GSG1L: variants seen among roughly 807,000 people sequenced by gnomAD.
GSG1L encodes the protein germ cell-specific gene 1-like protein.
A neutral mutation model predicts 42.1 loss-of-function variants in GSG1L; 24 were observed. The observed-to-expected ratio is 0.57, with a 90% confidence interval of 0.41 to 0.80. The LOEUF (loss-of-function observed/expected upper bound fraction) is 0.80. Among genes scored for constraint, GSG1L ranks in the 30% least tolerant of loss-of-function variants. The pLI, the probability that GSG1L is intolerant of heterozygous loss-of-function variation, is 0.00. For missense variants in GSG1L, 445 were observed against 472.2 expected, an observed-to-expected ratio of 0.94 and a Z score of 0.53; for synonymous variants, 215 against 203.5, an observed-to-expected ratio of 1.06 and a Z score of -0.48.
At chr16:27,870,381 TTC>T (rs769634213) in intron 3 of GSG1L, among the ~76,000 whole-genome samples, 3 of 122,520 alleles carry the variant, frequency 2.4e-5, no homozygotes, top group Admixed American at 7.6e-5. Flanking sequence ...CACTCTCTCT[TTC>T]TCTCTCTCTG....
At chr16:27,842,177 C>T (rs952469486) in intron 4 of GSG1L, among the ~76,000 whole-genome samples, 5 of 150,056 alleles carry the variant, frequency 3.3e-5, no homozygotes, top group East Asian at 2.0e-4. Context: ...CACGATGTCG[C>T]GCGTGCCGAA....
At chr16:28,026,019 T>C (rs1161406742) in intron 1 of GSG1L, among the ~76,000 whole-genome samples, 1 of 152,232 alleles carries the variant, frequency 6.6e-6, no homozygotes, top group African/African-American at 2.4e-5. Context: ...CCCAGGGTCA[T>C]TTTTAAAGAA....
chr16:27,895,856 C>G (rs756010986), intron 2 of GSG1L, among the ~76,000 whole-genome samples: 1 of 152,216 alleles, frequency 6.6e-6, no homozygotes, highest in African/African-American at 2.4e-5. Flanking sequence ...GGTAGGGCAA[C>G]AGAGCACGTG....
chr16:27,987,003 G>C (rs968618272), intron 1 of GSG1L, among the ~76,000 whole-genome samples: 1 of 152,182 alleles, frequency 6.6e-6, no homozygotes, highest in African/African-American at 2.4e-5. Context: ...GATCACCTGA[G>C]GTCAGGAGTT....
chr16:28,060,671 G>A (rs7201525), intron 1 of GSG1L, among the ~76,000 whole-genome samples: 70,762 of 151,740 alleles, frequency 0.47, 16,751 homozygotes, highest in East Asian at 0.69. Flanking sequence ...TCCCGAGAAG[G>A]TAATTCCAGC....
chr16:27,863,730 G>A (rs541218277), intron 3 of GSG1L, among the ~76,000 whole-genome samples: 2 of 152,316 alleles, frequency 1.3e-5, no homozygotes, highest in East Asian at 3.9e-4. Context: ...GAGAGCCCAA[G>A]TTCCTTATAC....
intron 2 of GSG1L, among the ~76,000 whole-genome samples, chr16:27,947,584 A>AG (rs1491238503): frequency 1.5e-5 from 2 of 129,646 alleles, no homozygotes; most frequent in Admixed American, 7.2e-5. Flanking sequence ...AAAGAAAGAA[A>AG]GAAAGAAAGA....
chr16:27,931,834 G>T (rs985744255), intron 2 of GSG1L, among the ~76,000 whole-genome samples: 1 of 152,164 alleles, frequency 6.6e-6, no homozygotes, highest in African/African-American at 2.4e-5. Context: ...CAGGAGGAGC[G>T]CAGTGTGGAG....
chr16:27,990,954 T>C (rs1262936798), intron 1 of GSG1L, among the ~76,000 whole-genome samples: 1 of 152,238 alleles, frequency 6.6e-6, no homozygotes, highest in African/African-American at 2.4e-5. Flanking sequence ...ATTCCTTATG[T>C]AAGTTCCAGC....
At chr16:27,844,637 C>G (rs1345470984) in intron 4 of GSG1L, among the ~76,000 whole-genome samples, 1 of 152,178 alleles carries the variant, frequency 6.6e-6, no homozygotes, top group East Asian at 1.9e-4. Flanking sequence ...ATTTGAATTT[C>G]ATGTAATTTT....
At chr16:27,993,670 A>G (rs561449404) in intron 1 of GSG1L, among the ~76,000 whole-genome samples, 16 of 152,296 alleles carry the variant, frequency 1.1e-4, no homozygotes, top group African/African-American at 2.9e-4. Flanking sequence ...GCAGGCAGTT[A>G]GGGTGGGTCC....
Position 27,950,246 on chromosome 16 carries a change from C to T in GSG1L, c.397+12910G>A, listed in dbSNP as rs569397816. On this transcript the variant is annotated intron_variant, in intron 2 of 6. Transcript: ENST00000447459. ...TTTACCCTTAACAGAGTCTATTTGC[C>T]ATGGAGAAACTGTTTCCAATTACAA... 5.9e-5 allele frequency among the ~76,000 whole-genome samples: 9 copies of T among 152,248 alleles called. No individual in the cohort carries two copies. In the South Asian group the frequency reaches 1.9e-3, roughly 32 times the overall value.
At chr16:27,831,130 G>A (rs2083270949) in intron 4 of GSG1L, among the ~76,000 whole-genome samples, 1 of 152,170 alleles carries the variant, frequency 6.6e-6, no homozygotes. Context: ...TGAAGCTACT[G>A]GGAAACAAAG....
At chr16:27,826,475 C>A (rs913423409) in intron 5 of GSG1L, among the ~76,000 whole-genome samples, 3 of 152,148 alleles carry the variant, frequency 2.0e-5, no homozygotes, top group African/African-American at 7.2e-5. Context: ...TCCTTCAGCT[C>A]CCCCAGAAGT....
chr16:27,995,924 G>T (rs2085510347), intron 1 of GSG1L, among the ~76,000 whole-genome samples: 1 of 147,824 alleles, frequency 6.8e-6, no homozygotes, highest in Non-Finnish European at 1.5e-5. Context: ...ACACAGCCAG[G>T]CACAGTGGCT....
intron 5 of GSG1L, among the ~76,000 whole-genome samples, chr16:27,817,736 G>C (rs1335977768): frequency 1.3e-5 from 2 of 152,200 alleles, no homozygotes; most frequent in Admixed American, 1.3e-4. Context: ...GCATAGAAAA[G>C]GCAAGCATGA....
intron 1 of GSG1L, among the ~76,000 whole-genome samples, chr16:28,014,080 A>T (rs1393650832): frequency 6.6e-6 from 1 of 152,224 alleles, no homozygotes; most frequent in Non-Finnish European, 1.5e-5. Context: ...ATATTGCAGG[A>T]TCTCTTTGTT....
intron 2 of GSG1L, among the ~76,000 whole-genome samples, chr16:27,899,780 T>C (rs751577889): frequency 2.0e-5 from 3 of 152,280 alleles, no homozygotes; most frequent in Middle Eastern, 3.4e-3. Context: ...TCACTCCCGA[T>C]AGACTTCAAT....
At chr16:27,913,563 C>T (rs916221718) in intron 2 of GSG1L, among the ~76,000 whole-genome samples, 1 of 152,128 alleles carries the variant, frequency 6.6e-6, no homozygotes, top group Non-Finnish European at 1.5e-5. Flanking sequence ...AGCCTATGGG[C>T]CAAATTTGCC....
Sources: allele counts gnomAD v4.1 joint callset (sites outside exome capture counted in the v4.1 genomes callset), GRCh38; gene constraint gnomAD v4.1.1; transcripts MANE v1.5; gene names NCBI Gene and HGNC (gene_info 2026-07-23, HGNC 2026-07-21).